The following STK32B variants were observed in gnomAD, a reference collection of about 807,000 sequenced individuals.
STK32B encodes the protein serine/threonine-protein kinase 32B.
STK32B carries 43 observed loss-of-function variants against 52.6 expected under a neutral mutation model. That is an observed-to-expected ratio of 0.82 (90% CI 0.64 to 1.05). The LOEUF is 1.05. Among genes scored for constraint, STK32B ranks in the 50% least tolerant of loss-of-function variants. STK32B has a pLI of 0.00. For synonymous variants in STK32B, 238 were observed against 204.3 expected, an observed-to-expected ratio of 1.17 and a Z score of -1.41; for missense variants, 621 against 534.6, an observed-to-expected ratio of 1.16 and a Z score of -1.59.
intron 2 of STK32B, 146 bp downstream of exon 2, chr4:5,140,106 A>C: frequency 7.1e-7 from 1 of 1,414,508 alleles, no homozygotes; most frequent in Non-Finnish European, 9.9e-7. Context: ...AAGTCTGAAT[A>C]GTTTCCTTGC....
At position 5,141,990 on chromosome 4, in the gene STK32B, A is replaced by G. The variant is rs73091523; in HGVS notation, c.108+2030A>G. The stretch of plus-strand genomic sequence containing the variant: ...CCCCAACCAACCCGTTTTATTGGCT[A>G]TAATTGGTCACATGACCACTGCTTC... On this transcript the variant is annotated intron_variant, in intron 2 of 11. Coordinates refer to ENST00000282908, the MANE Select transcript of STK32B (RefSeq NM_018401.3). Among the ~76,000 whole-genome samples, 513 of 152,312 alleles carry G rather than the reference A, an allele frequency of 3.4e-3. 1 individual carries two copies. Among genetic ancestry groups the G allele is most frequent in the African/African-American group, 0.011 (473 of 41,576 alleles).
At chr4:5,480,039 C>T (rs182368253) in intron 11 of STK32B, among the ~76,000 whole-genome samples, 16 of 152,198 alleles carry the variant, frequency 1.1e-4, no homozygotes, top group East Asian at 3.9e-4. Context: ...ATAGGATTGT[C>T]GTAAGAACAA....
At chr4:5,186,320 G>C (rs949648145) in intron 3 of STK32B, among the ~76,000 whole-genome samples, 1 of 152,178 alleles carries the variant, frequency 6.6e-6, no homozygotes, top group Non-Finnish European at 1.5e-5. Context: ...TGGGCCGCTT[G>C]AGGAAGGGGA....
At chr4:5,313,934 A>G (rs747247338) in intron 3 of STK32B, among the ~76,000 whole-genome samples, 28 of 152,244 alleles carry the variant, frequency 1.8e-4, no homozygotes, top group Non-Finnish European at 3.5e-4. Flanking sequence ...CAGAAATCAA[A>G]TAAGACCTAA....
intron 11 of STK32B, among the ~76,000 whole-genome samples, chr4:5,475,923 T>A (rs1718203602): frequency 6.6e-6 from 1 of 151,672 alleles, no homozygotes; most frequent in African/African-American, 2.4e-5. Context: ...TGAAATGGAG[T>A]TTTGCTCGTC....
chr4:5,431,184 C>T (rs1713542707), intron 6 of STK32B, among the ~76,000 whole-genome samples: 1 of 152,206 alleles, frequency 6.6e-6, no homozygotes, highest in African/African-American at 2.4e-5. Flanking sequence ...CAAAAGAAAA[C>T]TAGTGTGACC....
At chr4:5,372,693 G>A (rs754494540) in intron 4 of STK32B, among the ~76,000 whole-genome samples, 66 of 141,286 alleles carry the variant, frequency 4.7e-4, no homozygotes, top group African/African-American at 6.2e-4. Context: ...TACACACTTC[G>A]AGCTCGTGGC....
chr4:5,371,002 A>ATATATATATATATGTATATATATG lies in STK32B; in HGVS notation c.435-27196_435-27195insATATGTATATATATGTATATATAT, dbSNP rs1204029655. 7.1e-3 allele frequency among the ~76,000 whole-genome samples: 842 copies of ATATATATATATATGTATATATATG among 118,370 alleles called. 3 individuals carry two copies. Among genetic ancestry groups the ATATATATATATATGTATATATATG allele is most frequent in the Non-Finnish European group, 0.011 (656 of 58,882 alleles). 77.7% of individuals were successfully genotyped at this position (118,370 alleles called of 152,430 possible). On this transcript the variant is annotated intron_variant, in intron 4 of 11. Transcript: ENST00000282908. ...TATATATATGTGTGTGTGTGTATAT[A>ATATATATATATATGTATATATATG]TATATATATGTATATATATGTGTAT...
At chr4:5,268,533 GGTGTGGT>G (rs1158760656) in intron 3 of STK32B, among the ~76,000 whole-genome samples, 3 of 136,842 alleles carry the variant, frequency 2.2e-5, no homozygotes, top group Non-Finnish European at 4.7e-5. Flanking sequence ...GAAGTTGCTT[GGTGTGGT>G]GTGTGTGTGT....
intron 2 of STK32B, among the ~76,000 whole-genome samples, chr4:5,143,919 G>A (rs1438636922): frequency 6.6e-6 from 1 of 152,176 alleles, no homozygotes; most frequent in Non-Finnish European, 1.5e-5. Flanking sequence ...CAGCCAGGAT[G>A]TTGTGATGTC....
At chr4:5,169,626 C>G (rs1040830910) in intron 3 of STK32B, among the ~76,000 whole-genome samples, 1 of 152,060 alleles carries the variant, frequency 6.6e-6, no homozygotes, top group African/African-American at 2.4e-5. Flanking sequence ...CAAACCAAAC[C>G]TTGTCTGCTG....
At chr4:5,235,892 G>C (rs923843588) in intron 3 of STK32B, among the ~76,000 whole-genome samples, 2 of 152,182 alleles carry the variant, frequency 1.3e-5, no homozygotes, top group African/African-American at 4.8e-5. Context: ...TCCAGGGGGA[G>C]GCAGCTTCCT....
At chr4:5,228,894 G>A (rs946738477) in intron 3 of STK32B, among the ~76,000 whole-genome samples, 1 of 152,074 alleles carries the variant, frequency 6.6e-6, no homozygotes. Flanking sequence ...TTGAACCCAG[G>A]AGTCGGAGGG....
chr4:5,410,470 G>A (rs2109062275), intron 5 of STK32B, among the ~76,000 whole-genome samples: 1 of 152,292 alleles, frequency 6.6e-6, no homozygotes. Flanking sequence ...TTCCTCTAGA[G>A]GGAGCAATAT....
chr4:5,193,411 A>G (rs534022982), intron 3 of STK32B, among the ~76,000 whole-genome samples: 2 of 152,296 alleles, frequency 1.3e-5, no homozygotes, highest in East Asian at 3.9e-4. Context: ...TACTTCCCCC[A>G]GGATCCTTAG....
intron 3 of STK32B, among the ~76,000 whole-genome samples, chr4:5,297,411 C>T (rs1323882306): frequency 6.6e-6 from 1 of 152,068 alleles, no homozygotes; most frequent in Non-Finnish European, 1.5e-5. Flanking sequence ...CTTTCAGGTA[C>T]ACCAATCTGT....
chr4:5,418,577 A>T (rs1242200189), intron 6 of STK32B, among the ~76,000 whole-genome samples: 1 of 152,178 alleles, frequency 6.6e-6, no homozygotes, highest in Non-Finnish European at 1.5e-5. Context: ...GAAGCATAGA[A>T]TCTGATAACT....
chr4:5,164,780 G>C (rs768098510), intron 2 of STK32B, among the ~76,000 whole-genome samples: 1 of 152,216 alleles, frequency 6.6e-6, no homozygotes, highest in African/African-American at 2.4e-5. Context: ...AGTAGCCCCT[G>C]AGCTCAAACT....
chr4:5,078,838 G>T (rs1018671286), intron 1 of STK32B, among the ~76,000 whole-genome samples: 7 of 152,162 alleles, frequency 4.6e-5, no homozygotes, highest in South Asian at 2.1e-4. Flanking sequence ...CTTTGAGAAG[G>T]GGGGGCCAGC....
Sources: allele counts gnomAD v4.1 joint callset (sites outside exome capture counted in the v4.1 genomes callset), GRCh38; gene constraint gnomAD v4.1.1; transcripts MANE v1.5; gene names NCBI Gene and HGNC (gene_info 2026-07-23, HGNC 2026-07-21).